The following UTS2B variants were observed in gnomAD, a reference collection of about 807,000 sequenced individuals.
UTS2B encodes the protein urotensin 2B.
A neutral mutation model predicts 19.2 loss-of-function variants in UTS2B; 21 were observed. The ratio of observed to expected loss-of-function variants is 1.09; its 90% CI spans 0.78 to 1.58. The LOEUF is 1.58. Ranked by LOEUF, UTS2B falls within the 40% of genes most tolerant of loss-of-function variation. UTS2B has a pLI of 0.00. For missense variants in UTS2B, 138 were observed against 130.3 expected, an observed-to-expected ratio of 1.06 and a Z score of -0.29; for synonymous variants, 57 against 50.2, an observed-to-expected ratio of 1.14 and a Z score of -0.58.
chr3:191,276,018 T>C (rs1284249803), intron 7 of UTS2B, among the ~76,000 whole-genome samples: 1 of 152,178 alleles, frequency 6.6e-6, no homozygotes, highest in Non-Finnish European at 1.5e-5. Context: ...GCAGGTCTTT[T>C]CAAGGAGCTA....
intron 2 of UTS2B, among the ~76,000 whole-genome samples, chr3:191,327,826 TA>T (rs1180335069): frequency 9.2e-5 from 14 of 151,984 alleles, no homozygotes; most frequent in African/African-American, 2.2e-4. Context: ...CACAGGAAGT[TA>T]AAAAAAATTA....
intron 4 of UTS2B, among the ~76,000 whole-genome samples, chr3:191,299,037 T>C (rs1716926726): frequency 1.3e-5 from 2 of 152,216 alleles, no homozygotes; most frequent in South Asian, 4.1e-4. Context: ...ATCCAAGATG[T>C]AGCCAAGCTG....
chr3:191,278,428 T>C (rs1163061843), intron 5 of UTS2B, among the ~76,000 whole-genome samples: 4 of 152,032 alleles, frequency 2.6e-5, no homozygotes, highest in Admixed American at 2.0e-4. Flanking sequence ...TGATTACTTC[T>C]GAGTAGAAGA....
intron 5 of UTS2B, among the ~76,000 whole-genome samples, chr3:191,280,137 T>C (rs934563281): frequency 3.3e-5 from 5 of 152,124 alleles, no homozygotes; most frequent in Admixed American, 1.3e-4. Context: ...TTGCTTTCCA[T>C]CTACATGGGA....
the UTS2B span, among the ~76,000 whole-genome samples, chr3:191,342,863 C>G: frequency 3.3e-5 from 5 of 152,156 alleles, no homozygotes; most frequent in Admixed American, 3.3e-4. Flanking sequence ...GGTATTTACC[C>G]TGTTGAGGAT....
intron 3 of UTS2B, among the ~76,000 whole-genome samples, chr3:191,307,990 C>A (rs1321241410): frequency 8.5e-5 from 13 of 152,072 alleles, no homozygotes. Context: ...CACACTCCAC[C>A]ATGTCCGGCT....
chr3:191,284,601 T>C (rs893707728), intron 4 of UTS2B, among the ~76,000 whole-genome samples: 4 of 150,918 alleles, frequency 2.7e-5, no homozygotes, highest in Admixed American at 1.3e-4. Context: ...GTATTACAGG[T>C]GTGAGCCACT....
chr3:191,275,439 G>A (rs960392115), intron 7 of UTS2B, 94 bp from the exon 8 acceptor site: 20 of 908,932 alleles, frequency 2.2e-5, no homozygotes, highest in Non-Finnish European at 2.5e-5. Flanking sequence ...CCAGCACTTC[G>A]GGAGGCCGAG....
upstream of UTS2B, among the ~76,000 whole-genome samples, chr3:191,331,830 CT>C (rs1311274484): frequency 2.0e-5 from 3 of 152,156 alleles, no homozygotes; most frequent in African/African-American, 4.8e-5. Context: ...GCTTGTGCCC[CT>C]GATAGGGTAA....
intron 6 of UTS2B, among the ~76,000 whole-genome samples, chr3:191,277,179 T>C (rs1306029595): frequency 1.3e-5 from 2 of 152,146 alleles, no homozygotes; most frequent in African/African-American, 4.8e-5. Flanking sequence ...AATGGGGTTG[T>C]GGGCGGGGGG....
chr3:191,334,348 A>T (rs1718076510), upstream of UTS2B, among the ~76,000 whole-genome samples: 1 of 152,176 alleles, frequency 6.6e-6, no homozygotes, highest in Non-Finnish European at 1.5e-5. Context: ...TTGAATGAAG[A>T]AGGGAATTTT....
chr3:191,345,690 G>A, the UTS2B span, among the ~76,000 whole-genome samples: 2 of 152,130 alleles, frequency 1.3e-5, no homozygotes, highest in Non-Finnish European at 2.9e-5. Context: ...TGCCAAACAA[G>A]TGGTTTAGGT....
At chr3:191,317,067 G>C (rs1327328035) in intron 2 of UTS2B, among the ~76,000 whole-genome samples, 1 of 152,244 alleles carries the variant, frequency 6.6e-6, no homozygotes, top group Non-Finnish European at 1.5e-5. Flanking sequence ...GCAGGGGGTG[G>C]TGCCCGTCAG....
At chr3:191,346,005 A>G in the UTS2B span, among the ~76,000 whole-genome samples, 37 of 152,234 alleles carry the variant, frequency 2.4e-4, no homozygotes, top group Non-Finnish European at 2.9e-5. Context: ...ATTTCTTTGC[A>G]GTAAAGAGCT....
chr3:191,276,349 C>T (rs913422215), intron 7 of UTS2B, among the ~76,000 whole-genome samples: 2 of 152,156 alleles, frequency 1.3e-5, no homozygotes, highest in African/African-American at 4.8e-5. Context: ...AAGAAGGCAG[C>T]ACTTTAGGCT....
rs1238469117 is a variant in UTS2B at position 191,282,307 on chromosome 3, G to C, written c.-118C>G. The stretch of plus-strand genomic sequence containing the variant: ...CAAAAGGCAAGTGTGCCTCAGTTAC[G>C]AATGATCTAGATGAAGGAAAAAGAA... On this transcript the variant is annotated 5_prime_UTR_variant, in exon 5 of 9. Coordinates refer to ENST00000340524, the MANE Select transcript of UTS2B (RefSeq NM_198152.5). The C allele has an allele frequency of 1.5e-6, 1 of 650,234 alleles. No homozygotes were observed. Among genetic ancestry groups the C allele is most frequent in the Non-Finnish European group, 2.7e-6 (1 of 372,600 alleles). The allele number at this position is 650,234 out of a possible 1,614,324, so 40.3% of individuals were successfully genotyped here. A position where few individuals can be genotyped will look rare whatever the true frequency, so the allele number is the denominator to read the frequency against.
At chr3:191,301,944 T>C (rs935902429) in intron 4 of UTS2B, among the ~76,000 whole-genome samples, 1 of 152,156 alleles carries the variant, frequency 6.6e-6, no homozygotes, top group African/African-American at 2.4e-5. Flanking sequence ...TCAGAGGCAT[T>C]TGAAACAGAG....
At chr3:191,278,571 GATATACACATTT>G (rs1250109546) in intron 5 of UTS2B, among the ~76,000 whole-genome samples, 14 of 152,036 alleles carry the variant, frequency 9.2e-5, no homozygotes, top group East Asian at 1.9e-4. Flanking sequence ...GATTTTATCT[GATATACACATTT>G]ATATACACAT....
At chr3:191,292,088 T>A (rs1263160930) in intron 4 of UTS2B, among the ~76,000 whole-genome samples, 1 of 150,322 alleles carries the variant, frequency 6.7e-6, no homozygotes, top group East Asian at 1.9e-4. Flanking sequence ...TGCATTTCCA[T>A]ATACATTGTA....
Sources: allele counts gnomAD v4.1 joint callset (sites outside exome capture counted in the v4.1 genomes callset), GRCh38; gene constraint gnomAD v4.1.1; transcripts MANE v1.5; gene names NCBI Gene and HGNC (gene_info 2026-07-23, HGNC 2026-07-21).